The following LRRC8A variants were observed in gnomAD, a reference collection of about 807,000 sequenced individuals.
The protein encoded by LRRC8A is volume-regulated anion channel subunit LRRC8A.
Under a neutral mutation model 52.5 loss-of-function variants are expected in LRRC8A, and 24 were observed. The ratio of observed to expected loss-of-function variants is 0.46; its 90% CI spans 0.33 to 0.64. The LOEUF (loss-of-function observed/expected upper bound fraction) is 0.64. Ranked by LOEUF, LRRC8A falls within the 30% of genes least tolerant of loss-of-function variation. LRRC8A has a pLI of 0.02. For synonymous variants in LRRC8A, 492 were observed against 494.2 expected, an observed-to-expected ratio of 1.00 and a Z score of 0.06; for missense variants, 677 against 1,094.7, an observed-to-expected ratio of 0.62 and a Z score of 5.38.
In LRRC8A at chr9:128,911,868, C is replaced by T. The variant is rs1206070793; in HGVS notation, c.2157+2547C>T. On this transcript the variant is annotated intron_variant, in intron 3 of 3. Transcript: ENST00000372600. The surrounding 1 kb of genome is among the most constrained non-coding windows in gnomAD (Gnocchi z 4.9). ...CACTTGGGCCAACCCCAGGCAGGCC[C>T]CTCATTCTGAGTGGGAGGCCTGAGC... Among the ~76,000 whole-genome samples the T allele has an allele frequency of 6.6e-6, 1 of 152,264 alleles. No individual in the cohort carries two copies. The highest frequency in any genetic ancestry group is 6.5e-5 in the Admixed American group (1 of 15,288).
Position 128,907,399 on chromosome 9 carries a change from C to G in LRRC8A, c.235C>G (p.Pro79Ala), listed in dbSNP as rs1840297447. 1 of 1,613,302 alleles carries G rather than the reference C, an allele frequency of 6.2e-7. No individual in the cohort carries two copies. Among genetic ancestry groups the G allele is most frequent in the East Asian group, 2.2e-5 (1 of 44,872 alleles). ...FRGWAAPGPE[P>A]TYPNSTILPT... The stretch of plus-strand genomic sequence containing the variant: ...GGGCTGGGCAGCCCCTGGCCCGGAG[C>G]CCACCTACCCCAACTCCACCATTCT... Residue 79 changes from proline to alanine, a missense_variant, in exon 3 of 4, where the codon CCC (proline) becomes GCC (alanine). Pro to Ala is a conservative substitution (Grantham distance 27). Around this residue, in one of 4 missense-constraint regions of LRRC8A, gnomAD observed 54 missense variants for 49.7 expected, o/e 1.09. Coordinates refer to ENST00000372600, the MANE Select transcript of LRRC8A (RefSeq NM_019594.4). The surrounding 1 kb of genome is among the most constrained non-coding windows in gnomAD (Gnocchi z 9.3).
intron 2 of LRRC8A, among the ~76,000 whole-genome samples, chr9:128,891,986 T>C (rs1839640772): frequency 6.6e-6 from 1 of 152,164 alleles, no homozygotes; most frequent in Admixed American, 6.6e-5. Context: ...ATAACAGCAG[T>C]GAACGTTCCA....
At chr9:128,901,395 C>T (rs951764868) in intron 2 of LRRC8A, among the ~76,000 whole-genome samples, 1 of 148,646 alleles carries the variant, frequency 6.7e-6, no homozygotes, top group Non-Finnish European at 1.5e-5. Context: ...ACCTGGGAGG[C>T]GGAGATTGCA....
At position 128,908,174 on chromosome 9, in the gene LRRC8A, T is replaced by C; in HGVS notation, c.1010T>C (p.Met337Thr). 6.2e-7 allele frequency: 1 copy of C among 1,614,048 alleles called. No homozygotes were observed. Among genetic ancestry groups the C allele is most frequent in the Non-Finnish European group, 8.5e-7 (1 of 1,180,038 alleles). Reference sequence around the variant, plus strand: ...GTCATCTTCTACGGCCTCATCTGCATGTATACACTGTGGTGGATGCTACGG... The same window carrying C: ...GTCATCTTCTACGGCCTCATCTGCACGTATACACTGTGGTGGATGCTACGG... ...SLVIFYGLIC[M>T]YTLWWMLRRS... Residue 337 changes from methionine to threonine, a missense_variant, in exon 3 of 4, where the codon ATG (methionine) becomes ACG (threonine). By Grantham distance (81) the Met-to-Thr change is moderately conservative. This residue lies in a region of LRRC8A where 422 missense variants were observed against 741.5 expected (regional missense o/e 0.57). Transcript: ENST00000372600.
chr9:128,884,870 A>G, intron 1 of LRRC8A: 1 of 152,254 alleles, frequency 6.6e-6, no homozygotes, highest in Non-Finnish European at 1.5e-5. Context: ...AGGGTTATTG[A>G]CCTACCTCCC....
At chr9:128,891,310 G>T (rs1408414725) in intron 2 of LRRC8A, among the ~76,000 whole-genome samples, 1 of 151,356 alleles carries the variant, frequency 6.6e-6, no homozygotes. Flanking sequence ...TGTGCATGTA[G>T]TTCCAGCTAC....
rs1840350252 is a variant in LRRC8A at position 128,908,464 on chromosome 9, A to G, written c.1300A>G (p.Met434Val). The G allele has an allele frequency of 1.2e-6, 2 of 1,613,072 alleles. No individual in the cohort carries two copies. Among genetic ancestry groups the G allele is most frequent in the Admixed American group, 1.7e-5 (1 of 59,976 alleles). Reference sequence around the variant, plus strand: ...GGACAAGCTGGAGCTGCACCTGTTCATGCTCAGTGGCATCCCTGACACTGT... The same window carrying G: ...GGACAAGCTGGAGCTGCACCTGTTCGTGCTCAGTGGCATCCCTGACACTGT... ...AQDKLELHLF[M>V]LSGIPDTVFD... The change falls in exon 3 of 4, where the codon ATG becomes GTG. Residue 434 changes from methionine to valine, a missense_variant. Around this residue, in one of 4 missense-constraint regions of LRRC8A, gnomAD observed 422 missense variants for 741.5 expected, o/e 0.57. Coordinates refer to ENST00000372600, the MANE Select transcript of LRRC8A (RefSeq NM_019594.4).
intron 2 of LRRC8A, among the ~76,000 whole-genome samples, chr9:128,895,572 C>T (rs531772010): frequency 3.9e-5 from 6 of 152,212 alleles, no homozygotes; most frequent in Non-Finnish European, 8.8e-5. Flanking sequence ...CTGGCCCTGG[C>T]CAGGAACCTG....
In LRRC8A at chr9:128,907,977, G is replaced by A. The variant is rs769256767; in HGVS notation, c.813G>A (p.Lys271=). The part of the protein sequence containing the change: ...YRLYMRQTII[K]VIKFILIICY... ...TCTACATGCGGCAGACCATCATCAAGGTGATCAAGTTCATCCTCATCATCT... is the reference window on the plus strand; with the variant it reads ...TCTACATGCGGCAGACCATCATCAAAGTGATCAAGTTCATCCTCATCATCT... The change falls in exon 3 of 4, where the codon AAG becomes AAA. Residue 271 remains lysine (K), a synonymous_variant. Coordinates refer to ENST00000372600, the MANE Select transcript of LRRC8A (RefSeq NM_019594.4). The surrounding 1 kb of genome is among the most constrained non-coding windows in gnomAD (Gnocchi z 9.3). The A allele has an allele frequency of 2.5e-6, 4 of 1,614,012 alleles. No individual in the cohort carries two copies. In the African/African-American group the frequency reaches 5.3e-5, roughly 22 times the overall value.
At chr9:128,893,785 C>T (rs1009257173) in intron 2 of LRRC8A, among the ~76,000 whole-genome samples, 1 of 152,090 alleles carries the variant, frequency 6.6e-6, no homozygotes, top group Non-Finnish European at 1.5e-5. Context: ...TATAGACAGC[C>T]CTCTACAGTC....
intron 2 of LRRC8A, among the ~76,000 whole-genome samples, chr9:128,904,380 G>T (rs144969606): frequency 1.3e-5 from 2 of 151,708 alleles, no homozygotes; most frequent in Non-Finnish European, 2.9e-5. Context: ...TTAGCTGGGC[G>T]TGGTAGCGTG....
rs1350830856 is a variant in LRRC8A at position 128,908,412 on chromosome 9, C to T, written c.1248C>T (p.Leu416=). The change falls in exon 3 of 4, where the codon CTC becomes CTT. Residue 416 remains leucine, a synonymous_variant. Coordinates refer to ENST00000372600, the MANE Select transcript of LRRC8A (RefSeq NM_019594.4). ...ACAACGAGTGGACGCTGGACAAGCTCCGGCAGCGGCTCACCAAGAACGCGC... is the reference window on the plus strand; with the variant it reads ...ACAACGAGTGGACGCTGGACAAGCTTCGGCAGCGGCTCACCAAGAACGCGC... ...NLNNEWTLDK[L]RQRLTKNAQD... is the part of the protein sequence containing the mutation. The T allele has an allele frequency of 6.2e-7, 1 of 1,613,610 alleles. No individual in the cohort carries two copies. The highest frequency in any genetic ancestry group is 8.5e-7 in the Non-Finnish European group (1 of 1,180,038).
chr9:128,916,284 C>CTG lies in LRRC8A; in HGVS notation c.2346_2347insTG (p.Gly783TrpfsTer17), dbSNP rs1170724065. The CTG allele has an allele frequency of 6.2e-7, 1 of 1,613,624 alleles. No homozygotes were observed. On this transcript the variant is annotated frameshift_variant, in exon 4 of 4. Transcript: ENST00000372600. LOFTEE classifies it high-confidence loss of function. The surrounding 1 kb of genome is among the most constrained non-coding windows in gnomAD (Gnocchi z 6.1). ...GCGAGTGCCCACTGCTCAAGCGCAG[C>CTG]GGCTTGGTGGTGGAGGAGGACCTGT...
At chr9:128,895,039 C>T (rs1004080565) in intron 2 of LRRC8A, among the ~76,000 whole-genome samples, 1 of 152,168 alleles carries the variant, frequency 6.6e-6, no homozygotes, top group African/African-American at 2.4e-5. Context: ...GGTATCCCTT[C>T]TGTTTTCTGT....
chr9:128,908,837 T>C lies in LRRC8A; in HGVS notation c.1673T>C (p.Leu558Pro). ...VLRLKSNLSKLPQVVTDVGVH... is the reference protein window; with the variant it reads ...VLRLKSNLSKPPQVVTDVGVH... ...CGGCTCAAGAGCAACCTAAGCAAGC[T>C]GCCACAGGTGGTCACAGATGTGGGC... The change falls in exon 3 of 4, where the codon CTG (leucine) becomes CCG (proline). Residue 558 changes from leucine (L) to proline (P), a missense_variant. Around this residue, in one of 4 missense-constraint regions of LRRC8A, gnomAD observed 422 missense variants for 741.5 expected, o/e 0.57. Transcript: ENST00000372600. 6.2e-7 allele frequency: 1 copy of C among 1,613,732 alleles called. No individual in the cohort carries two copies. Among genetic ancestry groups the C allele is most frequent in the Non-Finnish European group, 8.5e-7 (1 of 1,180,024 alleles).
rs575743144 is a variant in LRRC8A, at chr9:128,888,494, G to A, written c.-9+2373G>A. Among the ~76,000 whole-genome samples, 7 of 152,256 alleles carry A rather than the reference G, an allele frequency of 4.6e-5. No individual in the cohort carries two copies. In the South Asian group the frequency reaches 1.5e-3, roughly 32 times the overall value. Reference sequence around the variant, plus strand: ...TCAGTTTACCCTTGCTGTATCTGGAGGAAGTGTTGGTTGTGGTCCTTTTGG... The same window carrying A: ...TCAGTTTACCCTTGCTGTATCTGGAAGAAGTGTTGGTTGTGGTCCTTTTGG... On this transcript the variant is annotated intron_variant, in intron 2 of 3. Transcript: ENST00000372600.
chr9:128,900,926 G>A (rs745667353), intron 2 of LRRC8A, among the ~76,000 whole-genome samples: 13 of 151,882 alleles, frequency 8.6e-5, no homozygotes, highest in African/African-American at 2.2e-4. Flanking sequence ...TGTAATCCCC[G>A]CACTGTGGGA....
At chr9:128,904,821 C>T (rs1044289593) in intron 2 of LRRC8A, among the ~76,000 whole-genome samples, 4 of 151,510 alleles carry the variant, frequency 2.6e-5, no homozygotes, top group Non-Finnish European at 4.4e-5. Context: ...GGTGAAACCC[C>T]GTCTCTACTA....
intron 1 of LRRC8A, among the ~76,000 whole-genome samples, chr9:128,884,261 T>TA (rs912936872): frequency 1.1e-4 from 16 of 152,244 alleles, no homozygotes; most frequent in Non-Finnish European, 1.8e-4. Flanking sequence ...TGCCTCGTCT[T>TA]AGAGTAGAGC....
Sources: allele counts gnomAD v4.1 joint callset (sites outside exome capture counted in the v4.1 genomes callset), GRCh38; gene constraint gnomAD v4.1.1; regional missense constraint gnomAD v4.1.1; non-coding constraint Gnocchi (gnomAD v3.1); transcripts MANE v1.5; gene names NCBI Gene and HGNC (gene_info 2026-07-23, HGNC 2026-07-21).